ELMO1: variants seen among roughly 807,000 people sequenced by gnomAD.
The protein encoded by ELMO1 is engulfment and cell motility protein 1.
In ELMO1, 26 loss-of-function variants were observed where a neutral mutation model predicts 98.9. The ratio of observed to expected loss-of-function variants is 0.26; its 90% confidence interval spans 0.19 to 0.36. The LOEUF (loss-of-function observed/expected upper bound fraction) is 0.36, where lower values mean the gene tolerates loss of function less well. ELMO1 is among the 10% of genes least tolerant of loss of function. The pLI is 1.00. For missense variants in ELMO1, 627 were observed against 935.2 expected (o/e 0.67, Z 4.30); for synonymous variants, 346 against 346.0 (o/e 1.00, Z 0.00).
intron 1 of ELMO1, among the ~76,000 whole-genome samples, chr7:37,418,608 T>A (rs572656525): frequency 6.6e-6 from 1 of 152,254 alleles, no homozygotes; most frequent in South Asian, 2.1e-4. Context: ...CCAGTGCAAC[T>A]CTGTATCTGG....
intron 2 of ELMO1, among the ~76,000 whole-genome samples, chr7:37,321,734 A>G (rs1388860815): frequency 6.7e-6 from 1 of 148,568 alleles, no homozygotes; most frequent in Non-Finnish European, 1.5e-5. Flanking sequence ...AAAAAAAAAA[A>G]AAAACACAGA....
At chr7:36,954,468 G>A (rs1461664940) in intron 16 of ELMO1, among the ~76,000 whole-genome samples, 1 of 152,164 alleles carries the variant, frequency 6.6e-6, no homozygotes, top group Admixed American at 6.5e-5. Context: ...TGTGATGGGA[G>A]ACTGCAGTGG....
chr7:37,326,428 G>T (rs554183073), intron 2 of ELMO1, among the ~76,000 whole-genome samples: 1 of 151,664 alleles, frequency 6.6e-6, no homozygotes, highest in Non-Finnish European at 1.5e-5. Context: ...GGTGGGGTGC[G>T]CCTGTAATCC....
chr7:37,145,498 AT>A (rs1291560804), intron 13 of ELMO1, among the ~76,000 whole-genome samples: 3 of 152,242 alleles, frequency 2.0e-5, no homozygotes, highest in Non-Finnish European at 4.4e-5. Context: ...CTAAAATAAT[AT>A]GTATTAGCAC....
intron 1 of ELMO1, among the ~76,000 whole-genome samples, chr7:37,377,653 G>C (rs17171014): frequency 0.016 from 2,506 of 152,210 alleles, 68 homozygotes; most frequent in African/African-American, 0.057. Flanking sequence ...ATTCTTCAGA[G>C]AGGAAAGCAA....
chr7:37,264,040 T>A lies in ELMO1; in HGVS notation c.244-4690A>T, dbSNP rs989797829. Among the ~76,000 whole-genome samples the A allele has an allele frequency of 8.5e-5, 13 of 152,200 alleles. 1 individual carries two copies. Among genetic ancestry groups the A allele is most frequent in the African/African-American group, 3.1e-4 (13 of 41,452 alleles). On this transcript the variant is annotated intron_variant, in intron 5 of 21. Transcript: ENST00000310758. ...GACATAGTCATAGGATGAAATATCA[T>A]ATAGAACTACATATGGAACTTTTAG...
At chr7:36,884,467 A>G (rs1279777062) in intron 18 of ELMO1, among the ~76,000 whole-genome samples, 1 of 152,186 alleles carries the variant, frequency 6.6e-6, no homozygotes, top group East Asian at 1.9e-4. Context: ...AGGAACTAAC[A>G]TTATCCCCAT....
At chr7:37,102,201 G>A (rs949583873) in intron 14 of ELMO1, among the ~76,000 whole-genome samples, 1 of 152,076 alleles carries the variant, frequency 6.6e-6, no homozygotes, top group African/African-American at 2.4e-5. Context: ...ATGGAGACTC[G>A]GGAGTCACTT....
chr7:36,870,341 T>A lies in ELMO1; in HGVS notation c.1905+52A>T. 1 of 1,575,772 alleles carries A rather than the reference T, an allele frequency of 6.3e-7. No homozygotes were observed. The highest frequency in any genetic ancestry group is 1.1e-5 in the South Asian group (1 of 89,824). On this transcript the variant is annotated intron_variant, in intron 20 of 21. Coordinates refer to ENST00000310758, the MANE Select transcript of ELMO1 (RefSeq NM_014800.11). The surrounding 1 kb of genome is among the most constrained non-coding windows in gnomAD (Gnocchi z 4.4). ...AAAGGAGGGCTAGGCTGGCTGCAGT[T>A]GCCGACCGCACTGGGCAAATAGAGC...
chr7:37,259,143 G>A (rs372831705), intron 6 of ELMO1, 38 bp downstream of exon 6: 15 of 1,578,908 alleles, frequency 9.5e-6, no homozygotes, highest in African/African-American at 4.1e-5. Flanking sequence ...GCGGAGACAC[G>A]CAGGACAGCT....
Position 37,074,522 on chromosome 7 carries a change from G to A in ELMO1, c.1300+22097C>T, listed in dbSNP as rs1797457333. ...CAGTAGGTATTTGCCTAATAACTCT[G>A]TGGCCTGGGTTCCCAGGAGGGCGAG... On this transcript the variant is annotated intron_variant, in intron 15 of 21. Transcript: ENST00000310758. Among the ~76,000 whole-genome samples, 3 of 152,330 alleles carry A rather than the reference G, an allele frequency of 2.0e-5. No homozygotes were observed. The South Asian group carries it at 6.2e-4, about 32-fold the overall frequency.
chr7:37,241,718 T>C (rs1357305322), intron 7 of ELMO1, among the ~76,000 whole-genome samples: 2 of 152,190 alleles, frequency 1.3e-5, no homozygotes, highest in Non-Finnish European at 2.9e-5. Flanking sequence ...AGTATATTAA[T>C]GTCTACTTAA....
intron 2 of ELMO1, among the ~76,000 whole-genome samples, chr7:37,334,787 C>A (rs1302647301): frequency 6.6e-6 from 1 of 152,136 alleles, no homozygotes; most frequent in Non-Finnish European, 1.5e-5. Context: ...GGAATTATAT[C>A]TTAAATATGC....
chr7:36,911,228 C>T (rs1204803283), intron 16 of ELMO1, among the ~76,000 whole-genome samples: 1 of 152,174 alleles, frequency 6.6e-6, no homozygotes, highest in African/African-American at 2.4e-5. Flanking sequence ...ATCTCTACAA[C>T]TTCAAGATCA....
chr7:37,258,816 G>C (rs1795830228), intron 6 of ELMO1, among the ~76,000 whole-genome samples: 1 of 152,036 alleles, frequency 6.6e-6, no homozygotes, highest in Admixed American at 6.6e-5. Flanking sequence ...TGGATTAAGG[G>C]AGGGAAAATT....
At chr7:36,978,210 C>T (rs1274523926) in intron 16 of ELMO1, among the ~76,000 whole-genome samples, 2 of 152,094 alleles carry the variant, frequency 1.3e-5, no homozygotes. Flanking sequence ...CTACTACCCT[C>T]CCCTCACTCC....
At chr7:37,447,499 G>A (rs1431109279) in intron 1 of ELMO1, among the ~76,000 whole-genome samples, 1 of 151,966 alleles carries the variant, frequency 6.6e-6, no homozygotes, top group African/African-American at 2.4e-5. Flanking sequence ...CAAGCCTGAG[G>A]CTGGTCCTTT....
intron 18 of ELMO1, among the ~76,000 whole-genome samples, chr7:36,885,358 CAAA>C (rs1447982411): frequency 6.8e-6 from 1 of 146,758 alleles, no homozygotes; most frequent in African/African-American, 2.5e-5. Context: ...ACAACAACAA[CAAA>C]CCCTGTAGTT....
chr7:37,071,990 A>G (rs990781064), intron 15 of ELMO1, among the ~76,000 whole-genome samples: 1 of 152,228 alleles, frequency 6.6e-6, no homozygotes, highest in Middle Eastern at 3.2e-3. Flanking sequence ...CTGAAGCTCA[A>G]GAGTAAACAA....
Sources: gnomAD v4.1 joint callset for allele counts (sites outside exome capture counted in the v4.1 genomes callset) on GRCh38, gnomAD v4.1.1 for gene constraint, Gnocchi (gnomAD v3.1) non-coding constraint, MANE v1.5 for transcripts, NCBI Gene and HGNC (gene_info 2026-07-23, HGNC 2026-07-21) for gene names.